THADA: variants seen among roughly 807,000 people sequenced by gnomAD.
THADA encodes the protein tRNA (32-2'-O)-methyltransferase regulator THADA.
Under a neutral mutation model 219.8 loss-of-function variants are expected in THADA, and 213 were observed. The ratio of observed to expected loss-of-function variants is 0.97; its 90% confidence interval spans 0.87 to 1.09. The LOEUF (loss-of-function observed/expected upper bound fraction) is 1.09, where lower values mean the gene tolerates loss of function less well. Among genes scored for constraint, THADA ranks in the 50% least tolerant of loss-of-function variants. THADA has a pLI of 0.00. For missense variants in THADA, 2,956 were observed against 2,311.3 expected (o/e 1.28, Z -5.72); for synonymous variants, 1,018 against 828.9 (o/e 1.23, Z -3.92).
At chr2:43,396,870 G>C (rs745601098) in intron 29 of THADA, among the ~76,000 whole-genome samples, 1 of 149,880 alleles carries the variant, frequency 6.7e-6, no homozygotes, top group Non-Finnish European at 1.5e-5. Context: ...TTATTACCTA[G>C]GGGGAATTAG....
At chr2:43,481,606 G>C (rs772929915) in intron 26 of THADA, among the ~76,000 whole-genome samples, 1 of 152,172 alleles carries the variant, frequency 6.6e-6, no homozygotes, top group Non-Finnish European at 1.5e-5. Context: ...TTGTACAGGT[G>C]ATTTTTATAT....
At chr2:43,240,536 C>T (rs114050781) in intron 36 of THADA, among the ~76,000 whole-genome samples, 7 of 152,300 alleles carry the variant, frequency 4.6e-5, no homozygotes, top group Non-Finnish European at 1.0e-4. Context: ...CCCTCTACTC[C>T]GAGACTAGCC....
chr2:43,285,645 C>G (rs1373590792), intron 35 of THADA, among the ~76,000 whole-genome samples: 1 of 151,052 alleles, frequency 6.6e-6, no homozygotes, highest in Non-Finnish European at 1.5e-5. Flanking sequence ...CTCACCGTAA[C>G]CTCTGCCTCC....
Position 43,383,558 on chromosome 2 carries a change from C to T in THADA, c.4227+14413G>A, listed in dbSNP as rs143529129. ...TAGCTACTAGCTGGGAGCCCCAGTA[C>T]AGCATCCTGAAAAACGTTCATCTGA... On this transcript the variant is annotated intron_variant, in intron 29 of 37. Transcript: ENST00000405975. Among the ~76,000 whole-genome samples the T allele has an allele frequency of 3.9e-5, 6 of 152,188 alleles. No individual in the cohort carries two copies. The South Asian group carries it at 1.2e-3, about 32-fold the overall frequency.
intron 21 of THADA, among the ~76,000 whole-genome samples, chr2:43,530,021 G>C (rs947959061): frequency 6.6e-6 from 1 of 151,752 alleles, no homozygotes; most frequent in Admixed American, 6.6e-5. Context: ...TCTAAATAGA[G>C]GAAAACTAAA....
chr2:43,315,875 C>T (rs750726543), intron 31 of THADA, among the ~76,000 whole-genome samples: 7 of 152,240 alleles, frequency 4.6e-5, no homozygotes, highest in South Asian at 4.1e-4. Context: ...AAAAACCACA[C>T]AGTCCTACTC....
intron 30 of THADA, among the ~76,000 whole-genome samples, chr2:43,326,089 G>C (rs759475346): frequency 2.0e-5 from 3 of 150,896 alleles, no homozygotes; most frequent in Non-Finnish European, 4.4e-5. Context: ...GATTTCATGT[G>C]TGTGTGCACA....
chr2:43,485,252 T>TCA lies in THADA; in HGVS notation c.3816_3817dup (p.Glu1273ValfsTer9). 1 of 1,612,682 alleles carries TCA rather than the reference T, an allele frequency of 6.2e-7. No homozygotes were observed. The highest frequency in any genetic ancestry group is 8.5e-7 in the Non-Finnish European group (1 of 1,179,048). On this transcript the variant is annotated frameshift_variant, in exon 26 of 38. Transcript: ENST00000405975. LOFTEE classifies it high-confidence loss of function. ...AGCTTACCTATTTGTTTTGGAATGT[T>TCA]CATCCTTTGCCCTTTTAACTCCAAA... is the stretch of plus-strand genomic sequence containing the variant.
At chr2:43,400,456 T>C (rs1332184541) in intron 28 of THADA, among the ~76,000 whole-genome samples, 1 of 136,402 alleles carries the variant, frequency 7.3e-6, no homozygotes, top group Non-Finnish European at 1.6e-5. Context: ...CATAGACAAA[T>C]TTATATATAT....
chr2:43,474,888 G>A (rs776170034), intron 26 of THADA, among the ~76,000 whole-genome samples: 12 of 152,088 alleles, frequency 7.9e-5, no homozygotes, highest in South Asian at 4.1e-4. Flanking sequence ...GTCTGACCCC[G>A]TCTTCTACTA....
intron 31 of THADA, among the ~76,000 whole-genome samples, chr2:43,314,795 GA>G (rs1677891973): frequency 6.6e-6 from 1 of 152,144 alleles, no homozygotes; most frequent in Non-Finnish European, 1.5e-5. Flanking sequence ...GCTGGATTCA[GA>G]AGAGGAAAAA....
At chr2:43,539,763 A>C (rs1695062839) in intron 21 of THADA, among the ~76,000 whole-genome samples, 1 of 152,062 alleles carries the variant, frequency 6.6e-6, no homozygotes, top group Non-Finnish European at 1.5e-5. Flanking sequence ...CACTGGAAGA[A>C]TTCTTTGGTT....
chr2:43,546,442 G>A (rs1306400881), intron 20 of THADA, among the ~76,000 whole-genome samples: 5 of 152,170 alleles, frequency 3.3e-5, no homozygotes, highest in East Asian at 1.9e-4. Context: ...TTTCTGTCTC[G>A]TTGATCTGTC....
At chr2:43,585,451 A>G (rs1281943800) in intron 7 of THADA, among the ~76,000 whole-genome samples, 1 of 151,906 alleles carries the variant, frequency 6.6e-6, no homozygotes, top group Non-Finnish European at 1.5e-5. Flanking sequence ...CCAGGGAGGT[A>G]GAGGTGCAGT....
intron 29 of THADA, among the ~76,000 whole-genome samples, chr2:43,377,190 T>A (rs1242672586): frequency 6.6e-6 from 1 of 152,220 alleles, no homozygotes; most frequent in Admixed American, 6.5e-5. Context: ...GGCAAAATTA[T>A]AAATTGTTTA....
chr2:43,430,461 A>G (rs1679092671), intron 26 of THADA, among the ~76,000 whole-genome samples, 159 bp from the exon 27 acceptor site: 1 of 152,256 alleles, frequency 6.6e-6, no homozygotes, highest in Non-Finnish European at 1.5e-5. Context: ...TTAACAATCA[A>G]CACAAATGGT....
intron 29 of THADA, among the ~76,000 whole-genome samples, chr2:43,390,594 G>A (rs17406367): frequency 0.11 from 16,141 of 151,930 alleles, 933 homozygotes; most frequent in Middle Eastern, 0.14. Flanking sequence ...TCCTTTGTCC[G>A]CAGCAACGAT....
intron 36 of THADA, among the ~76,000 whole-genome samples, chr2:43,235,407 C>A (rs528481902): frequency 6.6e-6 from 1 of 152,146 alleles, no homozygotes; most frequent in Non-Finnish European, 1.5e-5. Flanking sequence ...GATTCTCCTG[C>A]CTCAGCCTCC....
chr2:43,397,980 T>G lies in THADA; in HGVS notation c.4218A>C (p.Thr1406=). The change falls in exon 29 of 38, where the codon ACA becomes ACC. Residue 1406 remains threonine (T), a synonymous_variant. Coordinates refer to ENST00000405975, the MANE Select transcript of THADA (RefSeq NM_022065.5). ...QCFRQNHIHG[T]LLQVFHLLQA... is the part of the protein sequence containing the mutation. ...AAGCAACTTTACTTACCTGGAGAAGTGTCCCATGAATGTGGTTTTGCCGGA... is the reference window on the plus strand; with the variant it reads ...AAGCAACTTTACTTACCTGGAGAAGGGTCCCATGAATGTGGTTTTGCCGGA... The G allele has an allele frequency of 1.9e-6, 3 of 1,613,888 alleles. No individual in the cohort carries two copies. The highest frequency in any genetic ancestry group is 2.5e-6 in the Non-Finnish European group (3 of 1,179,788).
Sources: gnomAD v4.1 joint callset for allele counts (sites outside exome capture counted in the v4.1 genomes callset) on GRCh38, gnomAD v4.1.1 for gene constraint, MANE v1.5 for transcripts, NCBI Gene and HGNC (gene_info 2026-07-23, HGNC 2026-07-21) for gene names.